The following CSGALNACT1 variants were observed in gnomAD, a reference collection of about 807,000 sequenced individuals.
CSGALNACT1 encodes beta4GalNAcT-1.
A neutral mutation model predicts 51.0 loss-of-function variants in CSGALNACT1; 52 were observed. The observed-to-expected ratio is 1.02, with a 90% CI of 0.82 to 1.29. CSGALNACT1 has a LOEUF of 1.29. Among genes scored for constraint, CSGALNACT1 ranks in the 50% most tolerant of loss-of-function variants. CSGALNACT1 has a pLI of 0.00. For synonymous variants in CSGALNACT1, 341 were observed against 254.4 expected (o/e 1.34, Z -3.24); for missense variants, 935 against 679.2 (o/e 1.38, Z -4.19).
chr8:19,431,689 G>C (rs1289391977), intron 6 of CSGALNACT1, among the ~76,000 whole-genome samples: 2 of 152,082 alleles, frequency 1.3e-5, no homozygotes, highest in East Asian at 3.8e-4. Flanking sequence ...GAGTAAGTTG[G>C]AAAGTGTTCT....
intron 1 of CSGALNACT1, among the ~76,000 whole-genome samples, chr8:19,624,454 A>C (rs1299056397): frequency 6.6e-6 from 1 of 152,204 alleles, no homozygotes; most frequent in African/African-American, 2.4e-5. Context: ...AATATTCAAA[A>C]GATAATTTTA....
At chr8:19,665,972 T>G (rs2059147762) in intron 1 of CSGALNACT1, among the ~76,000 whole-genome samples, 1 of 152,222 alleles carries the variant, frequency 6.6e-6, no homozygotes, top group South Asian at 2.1e-4. Flanking sequence ...ATCTTTTTTC[T>G]AGTTGAAGAT....
chr8:19,698,299 G>A (rs2061682717), intron 1 of CSGALNACT1, among the ~76,000 whole-genome samples: 2 of 152,234 alleles, frequency 1.3e-5, no homozygotes, highest in South Asian at 4.1e-4. Flanking sequence ...GAAACATTGT[G>A]TTTGGGGTTA....
chr8:19,473,959 G>C (rs889229105), intron 4 of CSGALNACT1, among the ~76,000 whole-genome samples: 4 of 152,328 alleles, frequency 2.6e-5, no homozygotes, highest in East Asian at 3.9e-4. Flanking sequence ...GTAAGCTTGA[G>C]AAAATACAGG....
chr8:19,513,143 CT>C, intron 3 of CSGALNACT1, among the ~76,000 whole-genome samples: 1 of 152,062 alleles, frequency 6.6e-6, no homozygotes, highest in Non-Finnish European at 1.5e-5. Flanking sequence ...GTTCTTGCAT[CT>C]CTACCTCCAC....
chr8:19,472,254 C>G (rs1007198396), intron 4 of CSGALNACT1, among the ~76,000 whole-genome samples: 1 of 152,182 alleles, frequency 6.6e-6, no homozygotes. Flanking sequence ...CAAACACATT[C>G]GAATGTATAT....
At chr8:19,414,130 G>A (rs138279652) in intron 8 of CSGALNACT1, among the ~76,000 whole-genome samples, 1 of 152,168 alleles carries the variant, frequency 6.6e-6, no homozygotes, top group Non-Finnish European at 1.5e-5. Context: ...CATGGAAATT[G>A]GCAAATGCTA....
chr8:19,670,689 T>C (rs2059735408), intron 1 of CSGALNACT1, among the ~76,000 whole-genome samples: 1 of 135,574 alleles, frequency 7.4e-6, no homozygotes, highest in African/African-American at 2.8e-5. Flanking sequence ...AATAGAAACC[T>C]TCTCTCAAGC....
At chr8:19,448,582 G>T (rs7829658) in intron 5 of CSGALNACT1, among the ~76,000 whole-genome samples, 21,404 of 152,096 alleles carry the variant, frequency 0.14, 1,740 homozygotes, top group Middle Eastern at 0.23. Flanking sequence ...TGAGAGGAGA[G>T]CACGGTTATT....
chr8:19,484,364 C>T (rs749615914), intron 4 of CSGALNACT1, among the ~76,000 whole-genome samples: 77 of 152,090 alleles, frequency 5.1e-4, no homozygotes, highest in Non-Finnish European at 9.3e-4. Flanking sequence ...TTCAGGTGTC[C>T]ACTGGGGGTC....
intron 4 of CSGALNACT1, among the ~76,000 whole-genome samples, chr8:19,487,087 TG>T (rs1202507957): frequency 6.6e-6 from 1 of 152,234 alleles, no homozygotes; most frequent in Admixed American, 6.5e-5. Context: ...TTTTATATAA[TG>T]CTTCCCTTCT....
chr8:19,529,371 G>A (rs1231923426), intron 3 of CSGALNACT1, among the ~76,000 whole-genome samples: 1 of 152,108 alleles, frequency 6.6e-6, no homozygotes, highest in Non-Finnish European at 1.5e-5. Flanking sequence ...CAGACCTGTG[G>A]GCCTTGACCA....
chr8:19,473,681 G>A (rs2068737192), intron 4 of CSGALNACT1, among the ~76,000 whole-genome samples: 2 of 152,322 alleles, frequency 1.3e-5, no homozygotes, highest in South Asian at 4.1e-4. Flanking sequence ...GTCAAAAGTA[G>A]TGTCTCTTAG....
chr8:19,484,141 A>G (rs1354814930), intron 4 of CSGALNACT1, among the ~76,000 whole-genome samples: 2 of 142,388 alleles, frequency 1.4e-5, no homozygotes, highest in African/African-American at 2.6e-5. Context: ...GCTTATGTTC[A>G]TGTCACTTTT....
At chr8:19,496,153 T>C (rs2075404405) in intron 4 of CSGALNACT1, among the ~76,000 whole-genome samples, 1 of 152,212 alleles carries the variant, frequency 6.6e-6, no homozygotes. Flanking sequence ...ATATGGCATT[T>C]GGGAGAAGAA....
intron 3 of CSGALNACT1, among the ~76,000 whole-genome samples, chr8:19,567,440 T>C (rs1341830646): frequency 6.6e-6 from 1 of 152,214 alleles, no homozygotes; most frequent in African/African-American, 2.4e-5. Flanking sequence ...ACAAAGTGTA[T>C]GATAAAACTC....
chr8:19,518,321 G>A (rs1369476133), intron 3 of CSGALNACT1, among the ~76,000 whole-genome samples: 1 of 152,164 alleles, frequency 6.6e-6, no homozygotes, highest in East Asian at 1.9e-4. Context: ...TTAACAGCAG[G>A]AACTAAGGAC....
At chr8:19,665,936 G>A (rs757827972) in intron 1 of CSGALNACT1, among the ~76,000 whole-genome samples, 25 of 152,100 alleles carry the variant, frequency 1.6e-4, no homozygotes, top group Non-Finnish European at 3.1e-4. Flanking sequence ...CCACATTGTC[G>A]ATTTTCCAGG....
upstream of CSGALNACT1, among the ~76,000 whole-genome samples, chr8:19,606,432 G>A (rs1259546368): frequency 6.6e-6 from 1 of 152,088 alleles, no homozygotes; most frequent in African/African-American, 2.4e-5. Flanking sequence ...AGGCCTCTTG[G>A]ATGTCACACA....
Sources: gnomAD v4.1 joint callset for allele counts (sites outside exome capture counted in the v4.1 genomes callset) on GRCh38, gnomAD v4.1.1 for gene constraint, MANE v1.5 for transcripts, NCBI Gene and HGNC (gene_info 2026-07-23, HGNC 2026-07-21) for gene names.